The following RPS6KA2 variants were observed in gnomAD, a reference collection of about 807,000 sequenced individuals.
The protein encoded by RPS6KA2 is ribosomal protein S6 kinase alpha-2.
In RPS6KA2, 42 loss-of-function variants were observed where a neutral mutation model predicts 91.8. The observed-to-expected ratio is 0.46, with a 90% CI of 0.36 to 0.59. The LOEUF (loss-of-function observed/expected upper bound fraction) is 0.59. Ranked by LOEUF, RPS6KA2 falls within the 20% of genes least tolerant of loss-of-function variation. The pLI is 0.00. For synonymous variants in RPS6KA2, 414 were observed against 393.6 expected (o/e 1.05, Z -0.61); for missense variants, 798 against 978.5 (o/e 0.82, Z 2.46).
chr6:166,720,308 TTAA>T (rs1790137311), intron 2 of RPS6KA2, among the ~76,000 whole-genome samples: 1 of 152,238 alleles, frequency 6.6e-6, no homozygotes, highest in South Asian at 2.1e-4. Flanking sequence ...GAACATCATA[TTAA>T]TTACATTATT....
rs372192800 is a variant in RPS6KA2 at position 166,833,882 on chromosome 6, C to CTTCT, written c.123+24314_123+24317dup. On this transcript the variant is annotated intron_variant, in intron 2 of 21. Transcript: ENST00000503859. ...TATTCCTTTTGCATAAATTCCTTTT[C>CTTCT]TTCTTTCTTTCTTTCTTTTTTTTTC... is the stretch of plus-strand genomic sequence containing the variant. Among the ~76,000 whole-genome samples, 940 of 151,920 alleles carry CTTCT rather than the reference C, an allele frequency of 6.2e-3. 13 individuals are homozygous for CTTCT. The highest frequency in any genetic ancestry group is 0.022 in the African/African-American group (903 of 41,382).
At chr6:166,663,634 C>A (rs1464139463) in intron 2 of RPS6KA2, among the ~76,000 whole-genome samples, 5 of 152,220 alleles carry the variant, frequency 3.3e-5, no homozygotes, top group Non-Finnish European at 7.3e-5. Context: ...TTCCTACCAT[C>A]CCTCTAAGAA....
At chr6:166,630,992 C>A (rs1423487758), upstream of RPS6KA2, among the ~76,000 whole-genome samples, 8 of 152,118 alleles carry the variant, frequency 5.3e-5, no homozygotes, top group Non-Finnish European at 1.0e-4. Flanking sequence ...CTTGGGCCCT[C>A]GGCAAAAGTC....
chr6:166,543,078 T>C (rs1388320601), intron 1 of RPS6KA2, among the ~76,000 whole-genome samples: 1 of 152,184 alleles, frequency 6.6e-6, no homozygotes, highest in African/African-American at 2.4e-5. Flanking sequence ...CCAGCACTGT[T>C]CTGCTGCTGA....
At chr6:166,590,055 C>T (rs771987962) in intron 1 of RPS6KA2, among the ~76,000 whole-genome samples, 26 of 152,178 alleles carry the variant, frequency 1.7e-4, no homozygotes, top group South Asian at 6.2e-4. Context: ...GGAATACAGA[C>T]GGTGCTGTGG....
chr6:166,480,062 T>C (rs574870355), intron 10 of RPS6KA2, among the ~76,000 whole-genome samples: 15 of 152,190 alleles, frequency 9.9e-5, no homozygotes, highest in African/African-American at 1.9e-4. Context: ...GTGAATATAT[T>C]TGAAGGATAT....
At chr6:166,699,353 TC>T (rs753983664) in intron 2 of RPS6KA2, among the ~76,000 whole-genome samples, 6 of 151,812 alleles carry the variant, frequency 4.0e-5, no homozygotes, top group Non-Finnish European at 8.8e-5. Context: ...GAGAGAAGAG[TC>T]AAAGGTAAAA....
intron 2 of RPS6KA2, among the ~76,000 whole-genome samples, chr6:166,851,640 T>A (rs1252612882): frequency 5.9e-5 from 9 of 152,280 alleles, no homozygotes; most frequent in African/African-American, 1.7e-4. Flanking sequence ...GGACACAGTC[T>A]CCAGCCGGTG....
At chr6:166,632,656 CT>C (rs1312154816) in intron 2 of RPS6KA2, among the ~76,000 whole-genome samples, 5 of 151,586 alleles carry the variant, frequency 3.3e-5, no homozygotes, top group Admixed American at 1.3e-4. Context: ...CTCAACAAAG[CT>C]GGAGAAAATA....
intron 2 of RPS6KA2, among the ~76,000 whole-genome samples, chr6:166,779,724 C>T (rs1409643635): frequency 6.6e-6 from 1 of 152,134 alleles, no homozygotes; most frequent in Non-Finnish European, 1.5e-5. Flanking sequence ...TCAACTCATC[C>T]TCCTCTCACC....
intron 2 of RPS6KA2, among the ~76,000 whole-genome samples, chr6:166,692,718 A>G (rs1029793388): frequency 2.0e-5 from 3 of 152,212 alleles, no homozygotes; most frequent in Non-Finnish European, 4.4e-5. Context: ...CGGATCAGGA[A>G]CCATCTTAAA....
At position 166,773,593 on chromosome 6, in the gene RPS6KA2, G is replaced by A. The variant is rs539827587; in HGVS notation, c.123+84607C>T. 2.0e-4 allele frequency among the ~76,000 whole-genome samples: 30 copies of A among 152,000 alleles called. No homozygotes were observed. The South Asian group carries it at 5.2e-3, about 26-fold the overall frequency. ...ATTTTTGTGTTTTTAGCGGAGACAG[G>A]GTTTCACCATTGGCCAGGCTGGTCT... On this transcript the variant is annotated intron_variant, in intron 2 of 21. Transcript: ENST00000503859.
intron 2 of RPS6KA2, among the ~76,000 whole-genome samples, chr6:166,682,604 TGTCGAATAA>T (rs1554247248): frequency 1.3e-5 from 2 of 152,198 alleles, no homozygotes; most frequent in Non-Finnish European, 2.9e-5. Context: ...CATAATTAGC[TGTCGAATAA>T]GTGGAATCCC....
At chr6:166,830,421 T>G (rs190331238) in intron 2 of RPS6KA2, among the ~76,000 whole-genome samples, 66 of 152,296 alleles carry the variant, frequency 4.3e-4, no homozygotes, top group Non-Finnish European at 7.9e-4. Context: ...ATGAGAAGTA[T>G]TCTGGAGGTG....
At chr6:166,539,557 C>T (rs1448029991) in intron 1 of RPS6KA2, among the ~76,000 whole-genome samples, 1 of 152,188 alleles carries the variant, frequency 6.6e-6, no homozygotes, top group South Asian at 2.1e-4. Context: ...GTAAAGAACA[C>T]GTCATTGCCA....
intron 1 of RPS6KA2, among the ~76,000 whole-genome samples, chr6:166,568,621 GAAAAAAAAAAAAAAAAAAAAAAAAAA>G (rs60613942): frequency 5.3e-4 from 24 of 45,532 alleles, no homozygotes; most frequent in African/African-American, 1.4e-3. Context: ...CTCCATCTCA[GAAAAAAAAAAAAAAAAAAAAAAAAAA>G]AAAAAAAAAA....
chr6:166,472,817 T>C (rs2235281), intron 10 of RPS6KA2, among the ~76,000 whole-genome samples: 45,301 of 152,048 alleles, frequency 0.3, 7,740 homozygotes, highest in East Asian at 0.51. Context: ...AGGCCTTCCT[T>C]GGTTCTAGAG....
chr6:166,721,917 T>C (rs1382996095), intron 2 of RPS6KA2, among the ~76,000 whole-genome samples: 2 of 152,218 alleles, frequency 1.3e-5, no homozygotes, highest in Non-Finnish European at 2.9e-5. Flanking sequence ...ATTCCTATCA[T>C]GCTTCCTCGC....
intron 2 of RPS6KA2, chr6:166,702,479 C>T: frequency 6.3e-7 from 1 of 1,583,356 alleles, no homozygotes; most frequent in Admixed American, 1.7e-5. Context: ...ACATTTACAA[C>T]TGCAGTTTCC....
Sources: gnomAD v4.1 joint callset for allele counts (sites outside exome capture counted in the v4.1 genomes callset) on GRCh38, gnomAD v4.1.1 for gene constraint, MANE v1.5 for transcripts, NCBI Gene and HGNC (gene_info 2026-07-23, HGNC 2026-07-21) for gene names.